The following CUX1 variants were observed in gnomAD, a reference collection of about 807,000 sequenced individuals.
The protein encoded by CUX1 is protein CASP.
A neutral mutation model predicts 158.8 loss-of-function variants in CUX1; 31 were observed. The ratio of observed to expected loss-of-function variants is 0.20; its 90% CI spans 0.15 to 0.26. CUX1 has a LOEUF of 0.26. CUX1 is among the 10% of genes least tolerant of loss of function. CUX1 has a pLI of 1.00. For missense variants in CUX1, 1,589 were observed against 2,014.6 expected (o/e 0.79, Z 4.04); for synonymous variants, 879 against 862.1 (o/e 1.02, Z -0.34).
At chr7:102,115,655 G>A (rs1831365429) in intron 8 of CUX1, 1 of 178,060 alleles carries the variant, frequency 5.6e-6, no homozygotes, top group Non-Finnish European at 1.2e-5. Flanking sequence ...CCCAGAATAA[G>A]CACATTCCCA....
chr7:101,979,791 A>G (rs540563627), intron 2 of CUX1, among the ~76,000 whole-genome samples: 64 of 152,274 alleles, frequency 4.2e-4, no homozygotes, highest in African/African-American at 1.5e-3. Context: ...CTGGCACTAC[A>G]GGTGCCCACC....
intron 20 of CUX1, among the ~76,000 whole-genome samples, chr7:102,281,029 G>C (rs918889314): frequency 2.0e-5 from 3 of 152,198 alleles, no homozygotes; most frequent in African/African-American, 7.2e-5. Flanking sequence ...TCCTCTGAGA[G>C]CATGGTTCAC....
chr7:101,880,559 T>C (rs1460144840), intron 1 of CUX1, among the ~76,000 whole-genome samples: 2 of 152,180 alleles, frequency 1.3e-5, no homozygotes, highest in Non-Finnish European at 1.5e-5. Context: ...CAATGAAATA[T>C]TGATGTAAAG....
In CUX1 at chr7:102,250,043, CAAAAAAAAGA is replaced by C. The variant is rs1274760943; in HGVS notation, c.*1020_*1029del. 1.3e-3 allele frequency: 1,153 copies of C among 895,746 alleles called. No individual in the cohort carries two copies. Among genetic ancestry groups the C allele is most frequent in the Admixed American group, 3.1e-3 (23 of 7,364 alleles). The allele number at this position is 895,746 out of a possible 1,614,324, so 55.5% of individuals were successfully genotyped here. The stretch of plus-strand genomic sequence containing the variant: ...CACTCCATTCTAGGCCAAATCAGGA[CAAAAAAAAGA>C]AAAAAAAAGAAAAAAAAAAAAGAAA... On this transcript the variant is annotated 3_prime_UTR_variant, in exon 24 of 24. Transcript: ENST00000292535.
At chr7:102,144,825 C>A (rs1357718922) in intron 8 of CUX1, among the ~76,000 whole-genome samples, 2 of 152,010 alleles carry the variant, frequency 1.3e-5, no homozygotes, top group Non-Finnish European at 2.9e-5. Flanking sequence ...CAATGGCTCA[C>A]GTCTGTAATC....
intron 8 of CUX1, among the ~76,000 whole-genome samples, chr7:102,141,907 C>T (rs1458010948): frequency 2.7e-5 from 4 of 150,714 alleles, no homozygotes; most frequent in Non-Finnish European, 5.9e-5. Context: ...TCTCAGAGTG[C>T]TGGGATTACA....
chr7:101,897,130 G>A lies in CUX1; in HGVS notation c.31-18985G>A, dbSNP rs529286602. Among the ~76,000 whole-genome samples, 12 of 152,376 alleles carry A rather than the reference G, an allele frequency of 7.9e-5. No individual in the cohort carries two copies. The South Asian group carries it at 2.1e-3, about 26-fold the overall frequency. Reference sequence around the variant, plus strand: ...AGCAAACTATTTAGGACGCATCTGCGAAGCAGGAAGTGTGTTTCATTTTGT... The same window carrying A: ...AGCAAACTATTTAGGACGCATCTGCAAAGCAGGAAGTGTGTTTCATTTTGT... On this transcript the variant is annotated intron_variant, in intron 1 of 23. Coordinates refer to ENST00000292535, the MANE Select transcript of CUX1 (RefSeq NM_181552.4).
At chr7:101,872,685 G>A (rs1358528353) in intron 1 of CUX1, among the ~76,000 whole-genome samples, 2 of 152,050 alleles carry the variant, frequency 1.3e-5, no homozygotes, top group Admixed American at 6.6e-5. Flanking sequence ...GTGTGTATGT[G>A]TCAATAGGAT....
chr7:102,131,952 G>A (rs1170409934), intron 8 of CUX1, among the ~76,000 whole-genome samples: 6 of 152,274 alleles, frequency 3.9e-5, no homozygotes, highest in South Asian at 4.1e-4. Flanking sequence ...GATTACAGGC[G>A]TGAGCCACCA....
intron 12 of CUX1, among the ~76,000 whole-genome samples, chr7:102,190,915 G>A (rs1794202309): frequency 6.6e-6 from 1 of 152,042 alleles, no homozygotes. Flanking sequence ...CTCTCTTGCT[G>A]CTATTTTCCA....
intron 2 of CUX1, among the ~76,000 whole-genome samples, chr7:101,919,406 G>A (rs528214207): frequency 5.3e-5 from 8 of 152,196 alleles, no homozygotes; most frequent in Non-Finnish European, 1.0e-4. Flanking sequence ...TGGAGGTGAC[G>A]TCGGGTTGTT....
intron 19 of CUX1, chr7:102,280,738 C>G: frequency 1.9e-6 from 3 of 1,544,358 alleles, no homozygotes; most frequent in Non-Finnish European, 2.7e-6. Context: ...AGGCCCTGCT[C>G]TCTGCCACAA....
chr7:102,139,833 T>C (rs147027157), intron 8 of CUX1, among the ~76,000 whole-genome samples: 3,488 of 151,078 alleles, frequency 0.023, 71 homozygotes, highest in Non-Finnish European at 0.033. Flanking sequence ...TTTTTTTTAA[T>C]TTATTGTAGA....
chr7:101,973,302 C>A (rs1563078048), intron 2 of CUX1, among the ~76,000 whole-genome samples: 1 of 152,092 alleles, frequency 6.6e-6, no homozygotes, highest in Non-Finnish European at 1.5e-5. Flanking sequence ...ATGGCTCTGA[C>A]CGCAGCTGGA....
chr7:102,261,590 G>A (rs1554543878), downstream of CUX1, among the ~76,000 whole-genome samples: 1 of 151,656 alleles, frequency 6.6e-6, no homozygotes, highest in African/African-American at 2.4e-5. Flanking sequence ...TTCCCATTTG[G>A]GGCAGTGGTG....
At chr7:102,080,058 C>G (rs1340798035) in intron 4 of CUX1, among the ~76,000 whole-genome samples, 2 of 152,202 alleles carry the variant, frequency 1.3e-5, no homozygotes, top group Non-Finnish European at 2.9e-5. Context: ...GAATTGGCCA[C>G]CACTGTTCTA....
chr7:102,078,680 G>A (rs1293342097), intron 4 of CUX1, among the ~76,000 whole-genome samples: 6 of 152,308 alleles, frequency 3.9e-5, no homozygotes, highest in East Asian at 1.9e-4. Context: ...GCTAGAAGTC[G>A]CTGTTTCGTG....
At chr7:101,842,335 A>T (rs1423130065) in intron 1 of CUX1, among the ~76,000 whole-genome samples, 1 of 152,254 alleles carries the variant, frequency 6.6e-6, no homozygotes, top group East Asian at 1.9e-4. Flanking sequence ...TGTTTGGTAT[A>T]TGGAATACAT....
chr7:102,219,285 G>A (rs898023494), intron 20 of CUX1, among the ~76,000 whole-genome samples: 3 of 151,876 alleles, frequency 2.0e-5, no homozygotes, highest in South Asian at 4.2e-4. Context: ...GGGGTGGGGG[G>A]GACATTGATC....
Sources: gnomAD v4.1 joint callset for allele counts (sites outside exome capture counted in the v4.1 genomes callset) on GRCh38, gnomAD v4.1.1 for gene constraint, MANE v1.5 for transcripts, NCBI Gene and HGNC (gene_info 2026-07-23, HGNC 2026-07-21) for gene names.